Variants in VWC2 observed in about 807,000 individuals in gnomAD.
The protein encoded by VWC2 is von Willebrand factor C domain containing 2.
In VWC2, 14 loss-of-function variants were observed where a neutral mutation model predicts 29.8. The observed-to-expected ratio is 0.47, with a 90% CI of 0.31 to 0.74. The LOEUF is 0.74. Among genes scored for constraint, VWC2 ranks in the 30% least tolerant of loss-of-function variants. The pLI is 0.05. For synonymous variants in VWC2, 213 were observed against 199.0 expected (o/e 1.07, Z -0.59); for missense variants, 457 against 459.8 (o/e 0.99, Z 0.05).
At chr7:49,902,525 T>C (rs1314537552) in intron 3 of VWC2, among the ~76,000 whole-genome samples, 1 of 142,828 alleles carries the variant, frequency 7.0e-6, no homozygotes, top group Non-Finnish European at 1.5e-5. Flanking sequence ...TTTTAACAAA[T>C]GACACTGTAA....
chr7:49,827,952 TTAAG>T (rs1395001778), intron 3 of VWC2, among the ~76,000 whole-genome samples: 1 of 152,212 alleles, frequency 6.6e-6, no homozygotes, highest in African/African-American at 2.4e-5. Flanking sequence ...GATCATTCAA[TTAAG>T]TATTGATAGT....
intron 2 of VWC2, among the ~76,000 whole-genome samples, chr7:49,783,386 T>G (rs1271189208): frequency 6.6e-6 from 1 of 152,096 alleles, no homozygotes. Context: ...GTTGATGGCT[T>G]GTTTTTAAAT....
chr7:49,871,738 C>A (rs949249274), intron 3 of VWC2, among the ~76,000 whole-genome samples: 1 of 151,466 alleles, frequency 6.6e-6, no homozygotes, highest in Non-Finnish European at 1.5e-5. Flanking sequence ...AAAATCAAAA[C>A]AAATAAATGG....
At chr7:49,841,278 T>G (rs1201083643) in intron 3 of VWC2, among the ~76,000 whole-genome samples, 1 of 151,668 alleles carries the variant, frequency 6.6e-6, no homozygotes, top group Non-Finnish European at 1.5e-5. Flanking sequence ...AGCTAGTATT[T>G]GCTGAAACAG....
rs1793818056 is a variant in VWC2 at position 49,918,048 on chromosome 7, T to TAG, written c.*5863_*5864insAG. 1.3e-5 allele frequency: 2 copies of TAG among 152,194 alleles called. No individual in the cohort carries two copies. Among genetic ancestry groups the TAG allele is most frequent in the African/African-American group, 4.8e-5 (2 of 41,446 alleles). 9.4% of individuals were successfully genotyped at this position (152,194 alleles called of 1,614,324 possible). ...TTTATACTACCAAGTAGTTTCATAG[T>TAG]TTTAAAAAGCCATTCTTAAGCAGTC... On this transcript the variant is annotated 3_prime_UTR_variant, in exon 4 of 4. Transcript: ENST00000340652.
At chr7:49,820,028 T>A (rs113666077) in intron 3 of VWC2, among the ~76,000 whole-genome samples, 1 of 151,684 alleles carries the variant, frequency 6.6e-6, no homozygotes, top group African/African-American at 2.4e-5. Context: ...AAGATTTTAA[T>A]CCTTTCTAAA....
intron 3 of VWC2, among the ~76,000 whole-genome samples, chr7:49,842,316 C>T (rs1313984697): frequency 6.6e-6 from 1 of 152,010 alleles, no homozygotes; most frequent in Non-Finnish European, 1.5e-5. Flanking sequence ...TAAAAAGAAA[C>T]CTAAAACTAT....
chr7:49,877,481 AATATAT>A (rs1220691094), intron 3 of VWC2, among the ~76,000 whole-genome samples: 221 of 12,706 alleles, frequency 0.017, 19 homozygotes, highest in African/African-American at 0.03. Flanking sequence ...AAAAAAAAAA[AATATAT>A]ATATATATAT....
rs143807454 is a variant in VWC2 at position 49,789,204 on chromosome 7, GGT to G, written c.696+13085_696+13086del. ...GTGTGTGGGTGCATGTGTGAGTGTG[GGT>G]GTGTGTGTGTGAGTGTGGGAGAGTG... On this transcript the variant is annotated intron_variant, in intron 2 of 3. Transcript: ENST00000340652. 4.2e-3 allele frequency among the ~76,000 whole-genome samples: 613 copies of G among 147,034 alleles called. 6 individuals carry two copies. The highest frequency in any genetic ancestry group is 0.012 in the African/African-American group (461 of 39,830).
chr7:49,866,398 G>C (rs1358683732), intron 3 of VWC2, among the ~76,000 whole-genome samples: 2 of 152,184 alleles, frequency 1.3e-5, no homozygotes, highest in East Asian at 1.9e-4. Context: ...AATGCTGCAG[G>C]CTCACTTAGG....
chr7:49,916,819 C>T lies in VWC2; in HGVS notation c.*4634C>T, dbSNP rs1443599618. The T allele has an allele frequency of 6.6e-6, 1 of 152,146 alleles. No individual in the cohort carries two copies. Among genetic ancestry groups the T allele is most frequent in the African/African-American group, 2.4e-5 (1 of 41,420 alleles). 9.4% of individuals were successfully genotyped at this position (152,146 alleles called of 1,614,324 possible). Reference sequence around the variant, plus strand: ...ACTTACAAGTATCAAATATCTAAGTCACAGAACCCAGAGACACATCAAATA... The same window carrying T: ...ACTTACAAGTATCAAATATCTAAGTTACAGAACCCAGAGACACATCAAATA... On this transcript the variant is annotated 3_prime_UTR_variant, in exon 4 of 4. Coordinates refer to ENST00000340652, the MANE Select transcript of VWC2 (RefSeq NM_198570.5).
rs1793632560 is a variant in VWC2 at position 49,914,840 on chromosome 7, C to T, written c.*2655C>T. On this transcript the variant is annotated 3_prime_UTR_variant, in exon 4 of 4. Coordinates refer to ENST00000340652, the MANE Select transcript of VWC2 (RefSeq NM_198570.5). ...AAAATAATATGGTTTGGAGATAGCA[C>T]AGAAAAGGGGGCCTCAGAATTCAAG... is the stretch of plus-strand genomic sequence containing the variant. The T allele has an allele frequency of 6.6e-6, 1 of 151,966 alleles. No homozygotes were observed. The highest frequency in any genetic ancestry group is 1.5e-5 in the Non-Finnish European group (1 of 67,998). 9.4% of individuals were successfully genotyped at this position (151,966 alleles called of 1,614,324 possible). A position where few individuals can be genotyped will look rare whatever the true frequency, so the allele number is the denominator to read the frequency against.
intron 3 of VWC2, among the ~76,000 whole-genome samples, chr7:49,888,119 G>A (rs1446681916): frequency 2.0e-5 from 3 of 152,212 alleles, no homozygotes; most frequent in East Asian, 3.9e-4. Flanking sequence ...GGTCACATTA[G>A]TAGCTCAAAA....
intron 3 of VWC2, among the ~76,000 whole-genome samples, chr7:49,816,967 C>T (rs1789160739): frequency 6.6e-6 from 1 of 152,184 alleles, no homozygotes; most frequent in Non-Finnish European, 1.5e-5. Context: ...CTGCTTTCTC[C>T]CTGCCATTGG....
chr7:49,808,515 C>G (rs1788927046), intron 3 of VWC2, among the ~76,000 whole-genome samples: 1 of 152,034 alleles, frequency 6.6e-6, no homozygotes, highest in African/African-American at 2.4e-5. Flanking sequence ...TTGAATGGCA[C>G]TAGTGAACTT....
intron 2 of VWC2, among the ~76,000 whole-genome samples, chr7:49,777,712 C>T (rs1788082129): frequency 6.6e-6 from 1 of 152,158 alleles, no homozygotes; most frequent in African/African-American, 2.4e-5. Context: ...CCTCAAAATG[C>T]TTCCTGCCTA....
At chr7:49,778,155 T>C (rs920651432) in intron 2 of VWC2, among the ~76,000 whole-genome samples, 1 of 152,038 alleles carries the variant, frequency 6.6e-6, no homozygotes, top group Non-Finnish European at 1.5e-5. Flanking sequence ...GCCATGAAGC[T>C]GCTTTTGTCT....
At chr7:49,892,468 G>C (rs11185592) in intron 3 of VWC2, among the ~76,000 whole-genome samples, 112,098 of 152,164 alleles carry the variant, frequency 0.74, 41,497 homozygotes, top group East Asian at 0.89. Context: ...TGCTATACAG[G>C]GGTATATACA....
At chr7:49,874,253 G>T (rs1034132005) in intron 3 of VWC2, among the ~76,000 whole-genome samples, 1 of 152,152 alleles carries the variant, frequency 6.6e-6, no homozygotes, top group African/African-American at 2.4e-5. Flanking sequence ...ATAGGATGGT[G>T]GTCCCATAGA....
Sources: gnomAD v4.1 joint callset for allele counts (sites outside exome capture counted in the v4.1 genomes callset) on GRCh38, gnomAD v4.1.1 for gene constraint, MANE v1.5 for transcripts, NCBI Gene and HGNC (gene_info 2026-07-23, HGNC 2026-07-21) for gene names.